The following TERB1 variants were observed in gnomAD, a reference collection of about 807,000 sequenced individuals.
The protein encoded by TERB1 is telomere repeat binding bouquet formation protein 1, also known as telomere repeats-binding bouquet formation protein 1.
A neutral mutation model predicts 92.3 loss-of-function variants in TERB1; 63 were observed. That is an observed-to-expected ratio of 0.68 (90% CI 0.56 to 0.84). The LOEUF (loss-of-function observed/expected upper bound fraction) is 0.84, where lower values mean the gene tolerates loss of function less well. TERB1 is among the 40% of genes least tolerant of loss of function. The pLI is 0.00. For missense variants in TERB1, 709 were observed against 843.7 expected (o/e 0.84, Z 1.98); for synonymous variants, 252 against 283.9 (o/e 0.89, Z 1.13).
At chr16:66,789,308 G>GTATCCCCAATGCCTT (rs1434847866) in intron 5 of TERB1, among the ~76,000 whole-genome samples, 8 of 38,300 alleles carry the variant, frequency 2.1e-4, no homozygotes, top group Admixed American at 5.8e-4. Flanking sequence ...AATTCGGCCG[G>GTATCCCCAATGCCTT]GCGCGGTGGC....
chr16:66,769,188 T>C (rs1244493445), intron 14 of TERB1, among the ~76,000 whole-genome samples: 3 of 152,050 alleles, frequency 2.0e-5, no homozygotes, highest in Admixed American at 6.6e-5. Flanking sequence ...GTGGAAAGCT[T>C]GGGATGGAGG....
chr16:66,778,821 C>G, intron 10 of TERB1, 42 bp downstream of exon 10: 1 of 1,435,896 alleles, frequency 7.0e-7, no homozygotes, highest in Non-Finnish European at 9.3e-7. Context: ...TATATTCAAA[C>G]AAAATTCAAT....
chr16:66,754,921 T>C lies in TERB1; in HGVS notation c.*55A>G. The stretch of plus-strand genomic sequence containing the variant: ...TTTAGAAAAATACTTTAAATGTATC[T>C]TTCAAGGCACTGTATTTTAAGAATC... On this transcript the variant is annotated 3_prime_UTR_variant, in exon 19 of 19. Coordinates refer to ENST00000433154, the MANE Select transcript of TERB1 (RefSeq NM_001136505.2). 2.5e-5 allele frequency: 36 copies of C among 1,427,866 alleles called. No homozygotes were observed. Among genetic ancestry groups the C allele is most frequent in the Non-Finnish European group, 3.3e-5 (35 of 1,054,260 alleles). The allele number at this position is 1,427,866 out of a possible 1,614,324, so 88.4% of individuals were successfully genotyped here.
At chr16:66,776,181 T>C (rs2018545056) in intron 11 of TERB1, among the ~76,000 whole-genome samples, 1 of 151,760 alleles carries the variant, frequency 6.6e-6, no homozygotes, top group African/African-American at 2.4e-5. Context: ...AATGCATAAT[T>C]AGCTGGCCCT....
intron 3 of TERB1, among the ~76,000 whole-genome samples, chr16:66,794,006 C>A (rs1165335360): frequency 3.9e-5 from 6 of 152,198 alleles, no homozygotes; most frequent in African/African-American, 1.4e-4. Flanking sequence ...TACCAATAAG[C>A]CACATCAACG....
rs776388172 is a variant in TERB1, at chr16:66,790,733, G to A, written c.143-10C>T. On this transcript the variant is annotated splice_polypyrimidine_tract_variant and intron_variant, in intron 4 of 18. Transcript: ENST00000433154. ...TAAACACTTGCATTACCTGTAGGAT[G>A]TGCAGAAAAAAAACAAAATAGAAAT... 5 of 1,545,704 alleles carry A rather than the reference G, an allele frequency of 3.2e-6. No individual in the cohort carries two copies. The highest frequency in any genetic ancestry group is 2.4e-5 in the South Asian group (2 of 82,374).
intron 16 of TERB1, among the ~76,000 whole-genome samples, chr16:66,761,087 G>A (rs8045015): frequency 0.5 from 69,131 of 138,944 alleles, 17,965 homozygotes; most frequent in African/African-American, 0.63. Context: ...TCCAACCTGG[G>A]CGACAGAGCG....
At chr16:66,795,351 C>T (rs2018911756) in intron 3 of TERB1, among the ~76,000 whole-genome samples, 1 of 152,222 alleles carries the variant, frequency 6.6e-6, no homozygotes, top group Non-Finnish European at 1.5e-5. Flanking sequence ...GGACATGACT[C>T]TAAACTGGCT....
chr16:66,779,205 T>C (rs1235745616), intron 9 of TERB1, among the ~76,000 whole-genome samples, 190 bp from the exon 10 acceptor site: 2 of 152,250 alleles, frequency 1.3e-5, no homozygotes, highest in African/African-American at 4.8e-5. Context: ...TTATGTATCT[T>C]ACTTTGACAC....
chr16:66,796,855 A>G (rs1959198457), intron 2 of TERB1, 25 bp from the exon 3 acceptor site: 2 of 1,247,532 alleles, frequency 1.6e-6, no homozygotes, highest in South Asian at 1.4e-5. Context: ...TATTTTCTCA[A>G]TTTAAATCAA....
At chr16:66,790,347 AAG>A (rs149008634) in intron 5 of TERB1, among the ~76,000 whole-genome samples, 182 of 146,060 alleles carry the variant, frequency 1.2e-3, no homozygotes, top group African/African-American at 2.2e-3. Context: ...AAAAGAAAGA[AAG>A]AGAGAGAGAG....
chr16:66,766,456 G>C (rs559527558), intron 16 of TERB1, among the ~76,000 whole-genome samples: 1 of 151,992 alleles, frequency 6.6e-6, no homozygotes, highest in East Asian at 1.9e-4. Context: ...GAAATACCGG[G>C]GTGTGAAGGA....
chr16:66,800,629 C>T (rs898114559), intron 2 of TERB1, among the ~76,000 whole-genome samples: 2 of 151,996 alleles, frequency 1.3e-5, no homozygotes, highest in African/African-American at 4.8e-5. Context: ...GTAAGGCTGG[C>T]AGGGCTGATA....
chr16:66,765,859 T>C (rs1411181358), intron 16 of TERB1, among the ~76,000 whole-genome samples: 1 of 117,992 alleles, frequency 8.5e-6, no homozygotes, highest in East Asian at 2.5e-4. Context: ...ATTTTTTTTT[T>C]TTTTTTTTTT....
chr16:66,770,882 G>C (rs2018436079), intron 13 of TERB1, among the ~76,000 whole-genome samples: 2 of 151,960 alleles, frequency 1.3e-5, no homozygotes, highest in South Asian at 2.1e-4. Flanking sequence ...ACAGGGTCTT[G>C]CTCTGTTACC....
intron 16 of TERB1, among the ~76,000 whole-genome samples, chr16:66,761,752 C>T (rs946941998): frequency 1.3e-5 from 2 of 151,202 alleles, no homozygotes; most frequent in Non-Finnish European, 2.9e-5. Context: ...CACACCATTA[C>T]ACAGAATAAG....
At position 66,796,649 on chromosome 16, in the gene TERB1, C is replaced by T. The variant is rs971490064; in HGVS notation, c.31+119G>A. ...ATTATGTGACAGGCACAGAGTAGTG[C>T]TCAATAGTTATGTAAATGGCTGAAT... On this transcript the variant is annotated intron_variant, in intron 3 of 18. Coordinates refer to ENST00000433154, the MANE Select transcript of TERB1 (RefSeq NM_001136505.2). 8.1e-6 allele frequency: 6 copies of T among 737,554 alleles called. No homozygotes were observed. In the East Asian group the frequency reaches 8.3e-5, roughly 10 times the overall value. The allele number at this position is 737,554 out of a possible 1,614,324, so 45.7% of individuals were successfully genotyped here.
intron 3 of TERB1, among the ~76,000 whole-genome samples, chr16:66,795,811 G>C (rs1338876988): frequency 6.6e-6 from 1 of 152,150 alleles, no homozygotes; most frequent in Non-Finnish European, 1.5e-5. Context: ...CAACGCTTAA[G>C]TGCAGTGGTT....
At chr16:66,760,559 G>A (rs1371469758) in intron 16 of TERB1, among the ~76,000 whole-genome samples, 2 of 124,744 alleles carry the variant, frequency 1.6e-5, no homozygotes, top group African/African-American at 3.2e-5. Flanking sequence ...AGGCTGAGGC[G>A]GGCTGATCAC....
Sources: allele counts gnomAD v4.1 joint callset (sites outside exome capture counted in the v4.1 genomes callset), GRCh38; gene constraint gnomAD v4.1.1; transcripts MANE v1.5; gene names NCBI Gene and HGNC (gene_info 2026-07-23, HGNC 2026-07-21).